The following PDE11A variants were observed in gnomAD, a reference collection of about 807,000 sequenced individuals.
PDE11A encodes the protein phosphodiesterase 11A, also known as dual 3',5'-cyclic-AMP and -GMP phosphodiesterase 11A.
A neutral mutation model predicts 100.5 loss-of-function variants in PDE11A; 100 were observed. The ratio of observed to expected loss-of-function variants is 1.00; its 90% CI spans 0.85 to 1.18. PDE11A has a LOEUF of 1.18. Ranked by LOEUF, PDE11A falls within the 50% of genes most tolerant of loss-of-function variation. The pLI is 0.00. For missense variants in PDE11A, 1,141 were observed against 1,152.6 expected, an observed-to-expected ratio of 0.99 and a Z score of 0.15; for synonymous variants, 381 against 420.8, an observed-to-expected ratio of 0.91 and a Z score of 1.16.
At chr2:177,777,188 T>C (rs1408860420) in intron 9 of PDE11A, among the ~76,000 whole-genome samples, 5 of 152,132 alleles carry the variant, frequency 3.3e-5, no homozygotes, top group African/African-American at 9.7e-5. Flanking sequence ...CACACCCTGA[T>C]TGTGAACTTC....
intron 19 of PDE11A, among the ~76,000 whole-genome samples, chr2:177,636,059 A>C (rs1168102338): frequency 1.3e-5 from 2 of 152,058 alleles, no homozygotes; most frequent in African/African-American, 4.8e-5. Flanking sequence ...GTGAAAGGGA[A>C]TGTGTATTTG....
intron 17 of PDE11A, among the ~76,000 whole-genome samples, chr2:177,673,988 G>C (rs527632923): frequency 6.6e-6 from 1 of 152,140 alleles, no homozygotes; most frequent in Non-Finnish European, 1.5e-5. Context: ...GCCCATGTTC[G>C]TGAGCAATTT....
At chr2:177,782,911 G>A (rs2082474066) in intron 9 of PDE11A, among the ~76,000 whole-genome samples, 1 of 126,884 alleles carries the variant, frequency 7.9e-6, no homozygotes, top group Non-Finnish European at 1.7e-5. Flanking sequence ...GACAAATTAT[G>A]AAGTTGCATC....
chr2:177,910,042 G>C (rs941347171), intron 2 of PDE11A, among the ~76,000 whole-genome samples: 1 of 152,098 alleles, frequency 6.6e-6, no homozygotes, highest in Non-Finnish European at 1.5e-5. Flanking sequence ...TCAATCAAAG[G>C]CTTAATTGAA....
At chr2:177,957,063 A>T (rs928012154) in intron 2 of PDE11A, among the ~76,000 whole-genome samples, 16 of 151,450 alleles carry the variant, frequency 1.1e-4, no homozygotes, top group South Asian at 6.4e-4. Context: ...ATAATAAAAT[A>T]AAAAAAAAGA....
chr2:177,966,194 G>A (rs982363999), intron 2 of PDE11A, among the ~76,000 whole-genome samples: 1 of 152,050 alleles, frequency 6.6e-6, no homozygotes, highest in African/African-American at 2.4e-5. Context: ...ATTGATTTTT[G>A]TACATTGATT....
intron 1 of PDE11A, among the ~76,000 whole-genome samples, chr2:178,070,298 G>T (rs1042430024): frequency 6.6e-6 from 1 of 152,104 alleles, no homozygotes. Context: ...TGTTAGGTTG[G>T]CAGATATCTC....
At chr2:178,051,155 C>T (rs566379327) in intron 1 of PDE11A, among the ~76,000 whole-genome samples, 131 of 152,352 alleles carry the variant, frequency 8.6e-4, no homozygotes, top group Non-Finnish European at 1.7e-3. Flanking sequence ...AACAGTGGAT[C>T]TCTCAGCAGA....
chr2:177,639,509 C>T (rs2080107249), intron 19 of PDE11A, among the ~76,000 whole-genome samples: 2 of 152,196 alleles, frequency 1.3e-5, no homozygotes, highest in African/African-American at 4.8e-5. Flanking sequence ...AAGGCTAGGA[C>T]AGCTGCCAGT....
At chr2:177,652,913 G>C (rs2080331278) in intron 19 of PDE11A, among the ~76,000 whole-genome samples, 1 of 152,076 alleles carries the variant, frequency 6.6e-6, no homozygotes, top group Non-Finnish European at 1.5e-5. Context: ...TCATATTGGA[G>C]GCTTTGCTCA....
intron 7 of PDE11A, among the ~76,000 whole-genome samples, chr2:177,819,868 T>TCTCTCTC (rs60332687): frequency 1.4e-4 from 19 of 139,182 alleles, no homozygotes; most frequent in African/African-American, 4.2e-4. Flanking sequence ...CTTTCTCTCT[T>TCTCTCTC]TCTCTCTCTC....
At chr2:177,879,417 TG>T (rs2084294552) in intron 4 of PDE11A, among the ~76,000 whole-genome samples, 1 of 152,252 alleles carries the variant, frequency 6.6e-6, no homozygotes, top group Admixed American at 6.5e-5. Flanking sequence ...TTTAACTTTT[TG>T]AAAATTATCT....
rs199602381 is a variant in PDE11A, at chr2:177,817,832, C to T, written c.1644+26G>A. 3.8e-6 allele frequency: 4 copies of T among 1,040,626 alleles called. No individual in the cohort carries two copies. The South Asian group carries it at 5.1e-5, about 13-fold the overall frequency. 64.5% of individuals were successfully genotyped at this position (1,040,626 alleles called of 1,614,324 possible). A position where few individuals can be genotyped will look rare whatever the true frequency, so the allele number is the denominator to read the frequency against. On this transcript the variant is annotated intron_variant, in intron 8 of 19. Coordinates refer to ENST00000286063, the MANE Select transcript of PDE11A (RefSeq NM_016953.4). ...AACCAGGGGACTATTGATGACTCCA[C>T]TTGGTTTATAAATTTATTTTCTTAC...
chr2:177,734,950 G>A (rs2081752644), intron 10 of PDE11A, among the ~76,000 whole-genome samples: 1 of 152,346 alleles, frequency 6.6e-6, no homozygotes, highest in Non-Finnish European at 1.5e-5. Flanking sequence ...CTCTGCCCCA[G>A]GAGACCGCCC....
chr2:177,680,903 C>G lies in PDE11A; in HGVS notation c.2346G>C (p.Glu782Asp), dbSNP rs768948955. ...ILATDLTLYF[E>D]RRTEFFELVS... ...CAAGTTCAAAGAATTCAGTTCTCCT[C>G]CTGCAGGAAAATCAAATGAAGAAAG... is the stretch of plus-strand genomic sequence containing the variant. The change falls in exon 16 of 20, where the codon GAG becomes GAC. Residue 782 changes from glutamate to aspartate, a missense_variant and splice_region_variant. Coordinates refer to ENST00000286063, the MANE Select transcript of PDE11A (RefSeq NM_016953.4). 6.5e-7 allele frequency: 1 copy of G among 1,540,106 alleles called. No individual in the cohort carries two copies. Among genetic ancestry groups the G allele is most frequent in the African/African-American group, 1.4e-5 (1 of 73,220 alleles).
intron 2 of PDE11A, among the ~76,000 whole-genome samples, chr2:177,914,128 C>A (rs1258539275): frequency 6.6e-6 from 1 of 152,088 alleles, no homozygotes; most frequent in Non-Finnish European, 1.5e-5. Context: ...ATAGATTGAA[C>A]ACTTTTCATA....
rs750131150 is a variant in PDE11A at position 177,769,307 on chromosome 2, C to A, written c.1788+16G>T. ...TTAACTGTATGCACTAATAAGGAAA[C>A]CATTTTCTTCCTTACCTTAAACTTG... On this transcript the variant is annotated intron_variant, in intron 10 of 19. Coordinates refer to ENST00000286063, the MANE Select transcript of PDE11A (RefSeq NM_016953.4). The A allele has an allele frequency of 6.6e-7, 1 of 1,520,360 alleles. No individual in the cohort carries two copies. The highest frequency in any genetic ancestry group is 1.7e-5 in the Admixed American group (1 of 59,894). 94.2% of individuals were successfully genotyped at this position (1,520,360 alleles called of 1,614,324 possible).
At chr2:177,643,198 A>G (rs2080170554) in intron 19 of PDE11A, among the ~76,000 whole-genome samples, 1 of 152,234 alleles carries the variant, frequency 6.6e-6, no homozygotes, top group African/African-American at 2.4e-5. Flanking sequence ...ACTGGGTAAC[A>G]GGCAGATTTT....
In PDE11A at chr2:177,657,797, T is replaced by C. The variant is rs924501039; in HGVS notation, c.2646+6069A>G. Among the ~76,000 whole-genome samples the C allele has an allele frequency of 4.6e-5, 7 of 152,158 alleles. 1 individual carries two copies. Among genetic ancestry groups the C allele is most frequent in the South Asian group, 4.1e-4 (2 of 4,834 alleles). On this transcript the variant is annotated intron_variant, in intron 19 of 19. Transcript: ENST00000286063. ...TTCAGAGCCTAATTCAGGAAAATAA[T>C]AGAATCTTCCTAAAGCAAGTTGGTA...
Sources: gnomAD v4.1 joint callset for allele counts (sites outside exome capture counted in the v4.1 genomes callset) on GRCh38, gnomAD v4.1.1 for gene constraint, MANE v1.5 for transcripts, NCBI Gene and HGNC (gene_info 2026-07-23, HGNC 2026-07-21) for gene names.